The following TRIM55 variants were observed in gnomAD, a reference collection of about 807,000 sequenced individuals.
TRIM55 encodes the protein tripartite motif containing 55.
A neutral mutation model predicts 60.9 loss-of-function variants in TRIM55; 50 were observed. That is an observed-to-expected ratio of 0.82 (90% CI 0.65 to 1.04). The LOEUF is 1.04. Ranked by LOEUF, TRIM55 falls within the 50% of genes least tolerant of loss-of-function variation. The probability of loss-of-function intolerance (pLI) is 0.00; values close to 1 mark genes in which losing one functional copy is unlikely to be tolerated. For missense variants in TRIM55, 681 were observed against 666.9 expected (o/e 1.02, Z -0.23); for synonymous variants, 237 against 238.1 (o/e 1.00, Z 0.04).
chr8:66,174,293 A>G (rs908037137), intron 9 of TRIM55, among the ~76,000 whole-genome samples, 178 bp from the exon 10 acceptor site: 5 of 151,826 alleles, frequency 3.3e-5, no homozygotes, highest in Non-Finnish European at 7.4e-5. Flanking sequence ...TCTTGGCTGT[A>G]GCCAAAATAA....
At chr8:66,116,405 G>A in the TRIM55 span, among the ~76,000 whole-genome samples, 3 of 151,860 alleles carry the variant, frequency 2.0e-5, no homozygotes, top group Non-Finnish European at 1.5e-5. Flanking sequence ...TCAGGAGTTC[G>A]AGACCAGCCT....
At chr8:66,142,257 A>G (rs1315994162) in intron 4 of TRIM55, among the ~76,000 whole-genome samples, 1 of 152,244 alleles carries the variant, frequency 6.6e-6, no homozygotes, top group Non-Finnish European at 1.5e-5. Flanking sequence ...CTTTTAAATG[A>G]TGTCAGAAGA....
intron 4 of TRIM55, among the ~76,000 whole-genome samples, chr8:66,141,158 C>T (rs1586194101): frequency 6.6e-6 from 1 of 152,184 alleles, no homozygotes; most frequent in East Asian, 1.9e-4. Context: ...CTGTGGACTC[C>T]TTGTTATCCT....
chr8:66,140,525 A>G (rs1809746880), intron 4 of TRIM55, among the ~76,000 whole-genome samples: 1 of 152,142 alleles, frequency 6.6e-6, no homozygotes, highest in South Asian at 2.1e-4. Flanking sequence ...TGACACATTA[A>G]CCTTTGTTTG....
At chr8:66,169,939 C>T (rs1466218307) in intron 9 of TRIM55, among the ~76,000 whole-genome samples, 1 of 151,954 alleles carries the variant, frequency 6.6e-6, no homozygotes, top group Admixed American at 6.6e-5. Context: ...ATAGATTTAC[C>T]ATCTTAACCA....
chr8:66,144,416 C>T (rs1809994111), intron 4 of TRIM55, among the ~76,000 whole-genome samples: 1 of 152,170 alleles, frequency 6.6e-6, no homozygotes, highest in African/African-American at 2.4e-5. Context: ...ATTTGGTTCT[C>T]CCAAGAAGCC....
the TRIM55 span, among the ~76,000 whole-genome samples, chr8:66,120,739 C>G: frequency 6.6e-6 from 1 of 152,070 alleles, no homozygotes; most frequent in African/African-American, 2.4e-5. Context: ...GCAACCTTGC[C>G]CTATGCATTT....
At chr8:66,159,293 T>C (rs997678138) in intron 9 of TRIM55, among the ~76,000 whole-genome samples, 4 of 152,266 alleles carry the variant, frequency 2.6e-5, no homozygotes, top group Admixed American at 6.5e-5. Flanking sequence ...TACAGTATTG[T>C]ATGCTTTTAT....
At chr8:66,128,898 G>A (rs1808982594) in intron 2 of TRIM55, among the ~76,000 whole-genome samples, 1 of 152,140 alleles carries the variant, frequency 6.6e-6, no homozygotes, top group Admixed American at 6.5e-5. Flanking sequence ...GGCATCTTCC[G>A]AAGTAGCCCA....
chr8:66,120,902 G>A, the TRIM55 span, among the ~76,000 whole-genome samples: 6 of 152,350 alleles, frequency 3.9e-5, no homozygotes, highest in Admixed American at 3.9e-4. Flanking sequence ...AGAAGTGCAG[G>A]ACCTGGGAAC....
chr8:66,162,166 GTTTT>G (rs1811089824), intron 9 of TRIM55, among the ~76,000 whole-genome samples: 1 of 151,962 alleles, frequency 6.6e-6, no homozygotes, highest in Non-Finnish European at 1.5e-5. Flanking sequence ...GTTGTAAATG[GTTTT>G]TTATTACCTT....
intron 2 of TRIM55, among the ~76,000 whole-genome samples, chr8:66,134,448 G>C (rs1308972039): frequency 6.6e-6 from 1 of 152,088 alleles, no homozygotes; most frequent in East Asian, 1.9e-4. Flanking sequence ...AGGTGAAAAG[G>C]GTCTTTCCTG....
At chr8:66,151,541 G>A (rs910906942) in intron 7 of TRIM55, among the ~76,000 whole-genome samples, 5 of 152,074 alleles carry the variant, frequency 3.3e-5, no homozygotes, top group South Asian at 2.1e-4. Context: ...CCTTAATGTC[G>A]CCTGAGGGAA....
chr8:66,140,318 T>C (rs561831305), intron 4 of TRIM55, among the ~76,000 whole-genome samples: 1 of 152,376 alleles, frequency 6.6e-6, no homozygotes, highest in African/African-American at 2.4e-5. Context: ...CAGGTGATTT[T>C]CACTGCCTCC....
At chr8:66,161,258 C>G (rs995057264) in intron 9 of TRIM55, among the ~76,000 whole-genome samples, 7 of 152,120 alleles carry the variant, frequency 4.6e-5, no homozygotes, top group Non-Finnish European at 1.5e-5. Flanking sequence ...TGCCAATTAT[C>G]CCAGCACCAT....
intron 9 of TRIM55, among the ~76,000 whole-genome samples, chr8:66,173,013 G>A (rs746198899): frequency 1.2e-4 from 19 of 152,132 alleles, no homozygotes; most frequent in Admixed American, 9.8e-4. Flanking sequence ...GGATTATGGT[G>A]GGCAAGGAAG....
intron 4 of TRIM55, among the ~76,000 whole-genome samples, chr8:66,141,097 A>C (rs1809787825): frequency 6.6e-6 from 1 of 152,148 alleles, no homozygotes; most frequent in African/African-American, 2.4e-5. Context: ...CTGGGGAGGC[A>C]CCTGTCCCAA....
At chr8:66,156,708 A>G (rs1376999777) in intron 9 of TRIM55, among the ~76,000 whole-genome samples, 1 of 152,066 alleles carries the variant, frequency 6.6e-6, no homozygotes, top group Admixed American at 6.5e-5. Context: ...CTGGGTTGAC[A>G]CTGACTCTTC....
At chr8:66,159,806 C>T (rs144419237) in intron 9 of TRIM55, among the ~76,000 whole-genome samples, 8 of 152,204 alleles carry the variant, frequency 5.3e-5, no homozygotes, top group African/African-American at 1.9e-4. Flanking sequence ...TGGTTAGCAC[C>T]TTTTCTTGTG....
Sources: allele counts gnomAD v4.1 joint callset (sites outside exome capture counted in the v4.1 genomes callset), GRCh38; gene constraint gnomAD v4.1.1; transcripts MANE v1.5; gene names NCBI Gene and HGNC (gene_info 2026-07-23, HGNC 2026-07-21).